Variants in UBE3C observed in about 807,000 individuals in gnomAD.
UBE3C encodes the protein ubiquitin protein ligase E3C.
UBE3C carries 42 observed loss-of-function variants against 129.4 expected under a neutral mutation model. The observed-to-expected ratio is 0.32, with a 90% confidence interval of 0.25 to 0.42. The LOEUF (loss-of-function observed/expected upper bound fraction) is 0.42. Ranked by LOEUF, UBE3C falls within the 10% of genes least tolerant of loss-of-function variation. The probability of loss-of-function intolerance (pLI) is 1.00; values close to 1 mark genes in which losing one functional copy is unlikely to be tolerated. For synonymous variants in UBE3C, 510 were observed against 492.4 expected (o/e 1.04, Z -0.47); for missense variants, 1,049 against 1,319.1 (o/e 0.80, Z 3.17).
At chr7:157,213,200 G>C (rs1034100904) in intron 13 of UBE3C, among the ~76,000 whole-genome samples, 4 of 152,222 alleles carry the variant, frequency 2.6e-5, no homozygotes, top group African/African-American at 9.6e-5. Context: ...TAATGCTATT[G>C]TATTTCAGAA....
chr7:157,158,538 A>G (rs147303711), intron 1 of UBE3C, among the ~76,000 whole-genome samples: 3 of 152,220 alleles, frequency 2.0e-5, no homozygotes, highest in Non-Finnish European at 4.4e-5. Context: ...ATTAAAAGTG[A>G]TGATTAGTCA....
At chr7:157,245,005 G>A (rs1341532481) in intron 18 of UBE3C, among the ~76,000 whole-genome samples, 2 of 152,108 alleles carry the variant, frequency 1.3e-5, no homozygotes, top group African/African-American at 2.4e-5. Context: ...CCTGTGTTTA[G>A]AAAATACCTT....
intron 10 of UBE3C, chr7:157,198,360 G>C (rs1809181806): frequency 1.3e-6 from 1 of 765,728 alleles, no homozygotes; most frequent in Admixed American, 1.8e-5. Flanking sequence ...TCCAAGGCCA[G>C]TTTATTTCTT....
Position 157,238,350 on chromosome 7 carries a change from T to G in UBE3C, c.2481+7023T>G, listed in dbSNP as rs142590590. On this transcript the variant is annotated intron_variant, in intron 18 of 22. Transcript: ENST00000348165. ...TGGCTTTGGTGTAAGTAGCTAGCAT[T>G]GGTCAAGCACTCAAGCTGGGAGACC... 1.8e-3 allele frequency among the ~76,000 whole-genome samples: 272 copies of G among 152,018 alleles called. 1 individual carries two copies. The highest frequency in any genetic ancestry group is 3.0e-3 in the Non-Finnish European group (203 of 67,966).
At chr7:157,221,412 G>C (rs1167218945) in intron 15 of UBE3C, 2 of 152,020 alleles carry the variant, frequency 1.3e-5, no homozygotes, top group Non-Finnish European at 2.9e-5. Flanking sequence ...GTTGTTCCCA[G>C]TCCTCATCAG....
At chr7:157,251,225 A>G (rs1235151022) in intron 19 of UBE3C, among the ~76,000 whole-genome samples, 1 of 152,216 alleles carries the variant, frequency 6.6e-6, no homozygotes, top group Non-Finnish European at 1.5e-5. Context: ...GTAATATGCA[A>G]ATACTTTATT....
At chr7:157,199,033 T>C (rs943314151) in intron 10 of UBE3C, among the ~76,000 whole-genome samples, 1 of 152,204 alleles carries the variant, frequency 6.6e-6, no homozygotes, top group Non-Finnish European at 1.5e-5. Context: ...TCTTAGAACC[T>C]GTAGGAAGAA....
chr7:157,255,957 A>G (rs919088584), intron 21 of UBE3C, among the ~76,000 whole-genome samples: 9 of 152,200 alleles, frequency 5.9e-5, no homozygotes, highest in Admixed American at 2.0e-4. Flanking sequence ...CAGCTGTGTT[A>G]GTACTAGACA....
intron 13 of UBE3C, among the ~76,000 whole-genome samples, chr7:157,208,601 T>G (rs576410532): frequency 6.6e-6 from 1 of 152,236 alleles, no homozygotes; most frequent in African/African-American, 2.4e-5. Flanking sequence ...TAAATATTTC[T>G]TAGATTTTAT....
chr7:157,142,107 A>G (rs1367866124), intron 1 of UBE3C, among the ~76,000 whole-genome samples: 1 of 152,070 alleles, frequency 6.6e-6, no homozygotes, highest in Non-Finnish European at 1.5e-5. Context: ...TTGTGGTTTT[A>G]ATTTTGTTTC....
intron 11 of UBE3C, among the ~76,000 whole-genome samples, chr7:157,206,653 A>G (rs766166104): frequency 2.6e-5 from 4 of 151,874 alleles, no homozygotes; most frequent in African/African-American, 4.8e-5. Flanking sequence ...CAGTGGCGCA[A>G]TCTCAGCTCA....
intron 21 of UBE3C, 110 bp from the exon 22 acceptor site, chr7:157,256,804 C>T: frequency 1.4e-6 from 2 of 1,437,862 alleles, no homozygotes; most frequent in Non-Finnish European, 1.9e-6. Context: ...AGAGAAGGGA[C>T]TTGAGGATCC....
chr7:157,207,044 T>G (rs1412940613), intron 11 of UBE3C, among the ~76,000 whole-genome samples: 1 of 152,234 alleles, frequency 6.6e-6, no homozygotes, highest in Non-Finnish European at 1.5e-5. Context: ...GGGGATGGTT[T>G]CCTCATAAGA....
chr7:157,174,880 T>A (rs1808473482), intron 4 of UBE3C, 39 bp from the exon 5 acceptor site: 2 of 1,488,804 alleles, frequency 1.3e-6, no homozygotes, highest in South Asian at 2.6e-5. Context: ...CTATTAAATT[T>A]TCATTGAGAG....
At chr7:157,195,741 T>G (rs1445550351) in intron 10 of UBE3C, among the ~76,000 whole-genome samples, 1 of 152,192 alleles carries the variant, frequency 6.6e-6, no homozygotes, top group Non-Finnish European at 1.5e-5. Flanking sequence ...TTTGAGTTGG[T>G]GAGACTCAGA....
chr7:157,188,865 C>G, intron 10 of UBE3C: 3 of 471,226 alleles, frequency 6.4e-6, no homozygotes, highest in Non-Finnish European at 1.2e-5. Context: ...AACTCATTCA[C>G]AGGCCCTCAC....
intron 18 of UBE3C, among the ~76,000 whole-genome samples, chr7:157,247,354 G>GT (rs1796505317): frequency 6.6e-6 from 1 of 152,206 alleles, no homozygotes; most frequent in African/African-American, 2.4e-5. Context: ...CTAGTACCTA[G>GT]TAAGTGCTCA....
At chr7:157,143,928 T>C (rs994402563) in intron 1 of UBE3C, among the ~76,000 whole-genome samples, 1 of 151,766 alleles carries the variant, frequency 6.6e-6, no homozygotes, top group Non-Finnish European at 1.5e-5. Flanking sequence ...TACAAAAGAG[T>C]CACACCTCCG....
chr7:157,191,878 G>A (rs1345120236), intron 10 of UBE3C, among the ~76,000 whole-genome samples: 3 of 152,136 alleles, frequency 2.0e-5, no homozygotes, highest in Non-Finnish European at 4.4e-5. Flanking sequence ...GGAGAGAGAA[G>A]TAAATTTTGT....
Sources: gnomAD v4.1 joint callset for allele counts (sites outside exome capture counted in the v4.1 genomes callset) on GRCh38, gnomAD v4.1.1 for gene constraint, MANE v1.5 for transcripts, NCBI Gene and HGNC (gene_info 2026-07-23, HGNC 2026-07-21) for gene names.